Variants in CDKL2 observed in about 807,000 individuals in gnomAD.
CDKL2 encodes the protein cyclin-dependent kinase-like 2.
Under a neutral mutation model 63.9 loss-of-function variants are expected in CDKL2, and 64 were observed. The observed-to-expected ratio is 1.00, with a 90% CI of 0.82 to 1.23. The LOEUF (loss-of-function observed/expected upper bound fraction) is 1.23. Ranked by LOEUF, CDKL2 falls within the 50% of genes most tolerant of loss-of-function variation. The pLI, the probability that CDKL2 is intolerant of heterozygous loss-of-function variation, is 0.00. For missense variants in CDKL2, 656 were observed against 668.0 expected (o/e 0.98, Z 0.20); for synonymous variants, 211 against 229.2 (o/e 0.92, Z 0.72).
Position 75,577,558 on chromosome 4 carries a change from A to C in CDKL2, c.*1644T>G, listed in dbSNP as rs1728076958. On this transcript the variant is annotated 3_prime_UTR_variant, in exon 14 of 14. Transcript: ENST00000307465. ...ATATTCTCACACTGATCTTTACATA[A>C]AAATAGTATTGAAATAAGCCGAAGC... 6.6e-6 allele frequency among the ~76,000 whole-genome samples: 1 copy of C among 152,230 alleles called. No homozygotes were observed. Among genetic ancestry groups the C allele is most frequent in the Admixed American group, 6.5e-5 (1 of 15,284 alleles).
intron 13 of CDKL2, among the ~76,000 whole-genome samples, chr4:75,580,985 C>T (rs907133992): frequency 3.3e-5 from 5 of 152,126 alleles, no homozygotes; most frequent in African/African-American, 1.2e-4. Flanking sequence ...CAGGCGTGAG[C>T]CACCGCGCCC....
intron 2 of CDKL2, 37 bp downstream of exon 2, chr4:75,625,784 A>G (rs1391426543): frequency 6.7e-7 from 1 of 1,486,916 alleles, no homozygotes; most frequent in African/African-American, 1.4e-5. Context: ...AGAAACTTAT[A>G]CTCATATTTT....
chr4:75,607,138 G>A (rs1277718312), intron 4 of CDKL2, 45 bp downstream of exon 4: 1 of 1,463,822 alleles, frequency 6.8e-7, no homozygotes, highest in Non-Finnish European at 9.4e-7. Context: ...ACTATAGCAA[G>A]AAGCAAGAGT....
At chr4:75,598,261 C>T (rs1560579744) in intron 7 of CDKL2, 49 bp from the exon 8 acceptor site, 1 of 1,051,774 alleles carries the variant, frequency 9.5e-7, no homozygotes, top group Non-Finnish European at 1.3e-6. Context: ...GATAAACCTA[C>T]AAAAAAATTG....
At chr4:75,602,592 G>A (rs1729244125) in intron 6 of CDKL2, among the ~76,000 whole-genome samples, 1 of 152,150 alleles carries the variant, frequency 6.6e-6, no homozygotes, top group Admixed American at 6.5e-5. Flanking sequence ...TGCGATCTCA[G>A]CTCACTGTAA....
chr4:75,618,728 T>C (rs889539211), intron 2 of CDKL2, among the ~76,000 whole-genome samples: 3 of 152,200 alleles, frequency 2.0e-5, no homozygotes, highest in African/African-American at 7.2e-5. Context: ...AAATGAGCTT[T>C]GATTTTTGTG....
Position 75,625,803 on chromosome 4 carries a change from A to G in CDKL2, c.168+18T>C, listed in dbSNP as rs370372916. On this transcript the variant is annotated intron_variant, in intron 2 of 13. Transcript: ENST00000307465. ...ACTTATACTCATATTTTTTGATTCA[A>G]TATATGCATTTACTCACCTTTAGTA... is the stretch of plus-strand genomic sequence containing the variant. 12 of 1,584,856 alleles carry G rather than the reference A, an allele frequency of 7.6e-6. No individual in the cohort carries two copies. The African/African-American group carries it at 1.6e-4, about 21-fold the overall frequency.
At chr4:75,605,010 A>C (rs561315540) in intron 5 of CDKL2, among the ~76,000 whole-genome samples, 1 of 152,264 alleles carries the variant, frequency 6.6e-6, no homozygotes, top group Admixed American at 6.5e-5. Flanking sequence ...AAAATAAAAA[A>C]GAACATGCAT....
intron 6 of CDKL2, 45 bp downstream of exon 6, chr4:75,603,772 T>C (rs1578333735): frequency 2.3e-6 from 3 of 1,301,450 alleles, no homozygotes; most frequent in Non-Finnish European, 3.1e-6. Context: ...GTCTTGATAG[T>C]GCATAAATTC....
At chr4:75,618,939 A>G (rs534727172) in intron 2 of CDKL2, among the ~76,000 whole-genome samples, 60 of 152,360 alleles carry the variant, frequency 3.9e-4, no homozygotes, top group South Asian at 1.0e-3. Context: ...GGATTCACAT[A>G]CTGGACTGGG....
chr4:75,612,184 G>A (rs1395386920), intron 3 of CDKL2, among the ~76,000 whole-genome samples: 1 of 152,064 alleles, frequency 6.6e-6, no homozygotes, highest in Non-Finnish European at 1.5e-5. Context: ...CGTTGGCCAG[G>A]CTGGCTTCGA....
Position 75,614,364 on chromosome 4 carries a change from T to C in CDKL2, c.254A>G (p.His85Arg), listed in dbSNP as rs1353478741. 1.2e-6 allele frequency: 2 copies of C among 1,611,518 alleles called. No individual in the cohort carries two copies. Among genetic ancestry groups the C allele is most frequent in the Non-Finnish European group, 1.7e-6 (2 of 1,178,672 alleles). Reference protein sequence around the residue: ...RWYLVFEFVDHTILDDLELFP... With the variant: ...RWYLVFEFVDRTILDDLELFP... ...GAGCTCCAAGTCATCAAGAATTGTG[T>C]GGTCAACAAATTCAAAGACTAGGTA... is the stretch of plus-strand genomic sequence containing the variant. The change falls in exon 3 of 14, where the codon CAC becomes CGC. Residue 85 changes from histidine (H) to arginine (R), a missense_variant. Physicochemically the swap from His to Arg is conservative, Grantham distance 29. Transcript: ENST00000307465.
intron 2 of CDKL2, among the ~76,000 whole-genome samples, chr4:75,622,325 A>G (rs923747180): frequency 1.3e-5 from 2 of 152,188 alleles, no homozygotes; most frequent in African/African-American, 2.4e-5. Flanking sequence ...TATACTTTAC[A>G]TCTAACGACA....
intron 3 of CDKL2, among the ~76,000 whole-genome samples, chr4:75,608,162 T>C (rs1224455315): frequency 2.2e-5 from 3 of 134,766 alleles, no homozygotes; most frequent in South Asian, 4.7e-4. Context: ...CTTGCTCTTG[T>C]CGCCCAGGCT....
At chr4:75,596,173 A>C in intron 10 of CDKL2, 74 bp downstream of exon 10, 2 of 874,278 alleles carry the variant, frequency 2.3e-6, no homozygotes, top group Non-Finnish European at 1.9e-6. Flanking sequence ...ATACTTCACT[A>C]TCATATTTAA....
chr4:75,608,652 G>A (rs1477166882), intron 3 of CDKL2, among the ~76,000 whole-genome samples: 3 of 152,154 alleles, frequency 2.0e-5, no homozygotes, highest in Non-Finnish European at 2.9e-5. Context: ...CTAGGTTGGT[G>A]CTCAGAGGAA....
chr4:75,608,996 G>GA (rs5859470), intron 3 of CDKL2, among the ~76,000 whole-genome samples: 29,715 of 120,660 alleles, frequency 0.25, 3,359 homozygotes, highest in Middle Eastern at 0.36. Flanking sequence ...TCCATCTCAA[G>GA]AAAAAAAAAA....
intron 10 of CDKL2, among the ~76,000 whole-genome samples, chr4:75,594,481 T>C (rs571143393): frequency 1.3e-5 from 2 of 151,694 alleles, no homozygotes; most frequent in East Asian, 3.9e-4. Context: ...TCTACTTGCA[T>C]AGGAAGGAAA....
intron 6 of CDKL2, among the ~76,000 whole-genome samples, chr4:75,602,162 GTTT>G (rs111466342): frequency 3.1e-5 from 4 of 128,338 alleles, no homozygotes; most frequent in East Asian, 5.1e-4. Flanking sequence ...CCTACATTTT[GTTT>G]TTTTTTTGTT....
Sources: allele counts gnomAD v4.1 joint callset (sites outside exome capture counted in the v4.1 genomes callset), GRCh38; gene constraint gnomAD v4.1.1; transcripts MANE v1.5; gene names NCBI Gene and HGNC (gene_info 2026-07-23, HGNC 2026-07-21).